CHST9: variants seen among roughly 807,000 people sequenced by gnomAD.
CHST9 encodes GalNAc-4-sulfotransferase 2.
In CHST9, 41 loss-of-function variants were observed where a neutral mutation model predicts 44.4. That is an observed-to-expected ratio of 0.92 (90% CI 0.72 to 1.20). The LOEUF is 1.20. Ranked by LOEUF, CHST9 falls within the 50% of genes most tolerant of loss-of-function variation. CHST9 has a pLI of 0.00. For synonymous variants in CHST9, 171 were observed against 178.4 expected, an observed-to-expected ratio of 0.96 and a Z score of 0.33; for missense variants, 504 against 516.5, an observed-to-expected ratio of 0.98 and a Z score of 0.23.
chr18:27,166,253 T>C (rs146863245), intron 1 of CHST9, among the ~76,000 whole-genome samples: 25 of 152,324 alleles, frequency 1.6e-4, no homozygotes, highest in African/African-American at 5.5e-4. Flanking sequence ...TATTCCACCA[T>C]TTCTCACACT....
chr18:26,964,757 G>GGA lies in CHST9; in HGVS notation c.203-20393_203-20392dup, dbSNP rs563482875. Among the ~76,000 whole-genome samples the GGA allele has an allele frequency of 3.2e-4, 48 of 152,342 alleles. 1 individual carries two copies. In the East Asian group the frequency reaches 8.9e-3, roughly 28 times the overall value. ...GGGAAAGGATGGAAAACACTTTCTT[G>GGA]GAGAAGGAGGAGCTTTGAGCTGTGC... On this transcript the variant is annotated intron_variant, in intron 4 of 5. Transcript: ENST00000618847.
chr18:26,988,870 A>G (rs997684160), intron 4 of CHST9, among the ~76,000 whole-genome samples: 2 of 152,166 alleles, frequency 1.3e-5, no homozygotes, highest in African/African-American at 4.8e-5. Flanking sequence ...TAAATTAGAA[A>G]TCAATAATGT....
intron 1 of CHST9, among the ~76,000 whole-genome samples, chr18:27,173,527 T>C (rs895097608): frequency 6.6e-6 from 1 of 152,060 alleles, no homozygotes; most frequent in African/African-American, 2.4e-5. Flanking sequence ...AGTTCTCATA[T>C]ATAACTGGAA....
At chr18:26,936,646 C>T (rs1186815566) in intron 5 of CHST9, 3 of 152,172 alleles carry the variant, frequency 2.0e-5, no homozygotes, top group Middle Eastern at 3.4e-3. Flanking sequence ...TGATGCTAAC[C>T]ATTTTGCTAA....
intron 3 of CHST9, among the ~76,000 whole-genome samples, chr18:27,032,371 AAAAGTGCTGACTGCATATT>A: frequency 6.6e-6 from 1 of 152,354 alleles, no homozygotes; most frequent in East Asian, 1.9e-4. Context: ...CTACTCTGAC[AAAAGTGCTGACTGCATATT>A]TCATAGATCA....
At chr18:27,116,072 T>C (rs994616756) in intron 2 of CHST9, among the ~76,000 whole-genome samples, 7 of 152,206 alleles carry the variant, frequency 4.6e-5, no homozygotes, top group African/African-American at 1.7e-4. Flanking sequence ...CAAATATTTT[T>C]CCCATCCTTT....
rs529656874 is a variant in CHST9, at chr18:27,171,404, TAAAG to T, written c.-97+13728_-97+13731del. ...TATTTATTCACAAAATAAACTAAAA[TAAAG>T]AGAGAGGAGTGAAAAGACTGGTTTT... On this transcript the variant is annotated intron_variant, in intron 1 of 5. Coordinates refer to ENST00000618847, the MANE Select transcript of CHST9 (RefSeq NM_031422.6). Among the ~76,000 whole-genome samples, 58 of 152,102 alleles carry T rather than the reference TAAAG, an allele frequency of 3.8e-4. No individual in the cohort carries two copies. The South Asian group carries it at 8.7e-3, about 23-fold the overall frequency.
chr18:27,091,411 CGA>C (rs2058067704), intron 2 of CHST9, among the ~76,000 whole-genome samples: 1 of 152,094 alleles, frequency 6.6e-6, no homozygotes, highest in South Asian at 2.1e-4. Context: ...TTTGACTTCC[CGA>C]TTTCCTAATC....
intron 1 of CHST9, among the ~76,000 whole-genome samples, chr18:27,175,125 T>G (rs117699819): frequency 8.5e-5 from 13 of 152,216 alleles, no homozygotes; most frequent in Admixed American, 3.9e-4. Context: ...GTGCAATTCT[T>G]AAAAATATAA....
At position 26,915,384 on chromosome 18, in the gene CHST9, T is replaced by C. The variant is rs1438129995; in HGVS notation, c.*875A>G. The stretch of plus-strand genomic sequence containing the variant: ...ATACTTATAAAACTTTGTTATTGTT[T>C]GAGTTCCATATTCAGAATGGCAACT... On this transcript the variant is annotated 3_prime_UTR_variant, in exon 6 of 6. Coordinates refer to ENST00000618847, the MANE Select transcript of CHST9 (RefSeq NM_031422.6). The C allele has an allele frequency of 6.3e-6, 1 of 158,752 alleles. No individual in the cohort carries two copies. The highest frequency in any genetic ancestry group is 2.4e-5 in the African/African-American group (1 of 41,770). 9.8% of individuals were successfully genotyped at this position (158,752 alleles called of 1,614,324 possible). A position where few individuals can be genotyped will look rare whatever the true frequency, so the allele number is the denominator to read the frequency against.
At chr18:27,075,920 C>A (rs2143662713) in intron 2 of CHST9, among the ~76,000 whole-genome samples, 1 of 152,282 alleles carries the variant, frequency 6.6e-6, no homozygotes, top group East Asian at 1.9e-4. Flanking sequence ...ATTTTAACAC[C>A]TGTGTGATCC....
At chr18:26,962,903 A>G (rs1395618356) in intron 4 of CHST9, among the ~76,000 whole-genome samples, 1 of 152,136 alleles carries the variant, frequency 6.6e-6, no homozygotes, top group African/African-American at 2.4e-5. Context: ...CAAACTCAAG[A>G]CCTCTAGAAA....
At chr18:27,115,393 G>C (rs2058311013) in intron 2 of CHST9, among the ~76,000 whole-genome samples, 3 of 152,148 alleles carry the variant, frequency 2.0e-5, no homozygotes, top group Admixed American at 2.0e-4. Context: ...GGAATAGCTG[G>C]TTCATATAAT....
intron 3 of CHST9, among the ~76,000 whole-genome samples, chr18:27,041,179 C>T (rs1568145296): frequency 1.3e-5 from 2 of 152,116 alleles, no homozygotes; most frequent in South Asian, 2.1e-4. Flanking sequence ...CCTGCTTCGT[C>T]TCATGCTGCC....
chr18:27,149,842 T>C lies in CHST9; in HGVS notation c.-96-6937A>G, dbSNP rs541112112. Among the ~76,000 whole-genome samples the C allele has an allele frequency of 6.6e-5, 10 of 152,260 alleles. No homozygotes were observed. In the South Asian group the frequency reaches 2.1e-3, roughly 32 times the overall value. On this transcript the variant is annotated intron_variant, in intron 1 of 5. Coordinates refer to ENST00000618847, the MANE Select transcript of CHST9 (RefSeq NM_031422.6). The stretch of plus-strand genomic sequence containing the variant: ...TGTTTTCCTAATGCCGTATTTTTCA[T>C]TTCTAATATTCTGTTCCTACTTATT...
chr18:27,090,634 G>A (rs969438375), intron 2 of CHST9, among the ~76,000 whole-genome samples: 4 of 152,174 alleles, frequency 2.6e-5, no homozygotes, highest in African/African-American at 9.7e-5. Flanking sequence ...AAGGTGTAAG[G>A]AAGGGATCCA....
intron 5 of CHST9, among the ~76,000 whole-genome samples, chr18:26,918,331 G>T (rs2055576317): frequency 6.6e-6 from 1 of 152,116 alleles, no homozygotes; most frequent in Non-Finnish European, 1.5e-5. Flanking sequence ...GAATGGACTG[G>T]ATATATACAT....
intron 3 of CHST9, among the ~76,000 whole-genome samples, chr18:27,040,870 G>C (rs2057437539): frequency 6.6e-6 from 1 of 152,092 alleles, no homozygotes; most frequent in Non-Finnish European, 1.5e-5. Flanking sequence ...GTGAAAATCA[G>C]GTATGACTTA....
chr18:26,920,977 C>A (rs2145057720), intron 5 of CHST9, among the ~76,000 whole-genome samples: 1 of 152,228 alleles, frequency 6.6e-6, no homozygotes, highest in Admixed American at 6.5e-5. Flanking sequence ...ATCAGAATGT[C>A]TGAGTGTAAG....
Sources: gnomAD v4.1 joint callset for allele counts (sites outside exome capture counted in the v4.1 genomes callset) on GRCh38, gnomAD v4.1.1 for gene constraint, MANE v1.5 for transcripts, NCBI Gene and HGNC (gene_info 2026-07-23, HGNC 2026-07-21) for gene names.